Variants in CADPS observed in about 807,000 individuals in gnomAD.
CADPS encodes the protein calcium dependent secretion activator.
A neutral mutation model predicts 167.3 loss-of-function variants in CADPS; 57 were observed. The observed-to-expected ratio is 0.34, with a 90% CI of 0.28 to 0.42. The LOEUF (loss-of-function observed/expected upper bound fraction) is 0.42, where lower values mean the gene tolerates loss of function less well. Ranked by LOEUF, CADPS falls within the 20% of genes least tolerant of loss-of-function variation. The probability of loss-of-function intolerance (pLI) is 1.00; values close to 1 mark genes in which losing one functional copy is unlikely to be tolerated. For synonymous variants in CADPS, 676 were observed against 635.3 expected (o/e 1.06, Z -0.96); for missense variants, 1,414 against 1,738.1 (o/e 0.81, Z 3.32).
chr3:62,481,482 G>A (rs1240516295), intron 22 of CADPS, among the ~76,000 whole-genome samples: 1 of 152,148 alleles, frequency 6.6e-6, no homozygotes, highest in African/African-American at 2.4e-5. Context: ...TTCAGGAAGT[G>A]AAACATAGTC....
intron 12 of CADPS, 105 bp downstream of exon 12, chr3:62,536,340 G>T: frequency 1.0e-6 from 1 of 965,662 alleles, no homozygotes; most frequent in South Asian, 1.7e-5. Flanking sequence ...AATTGTTAAA[G>T]GGATTCTGTA....
intron 5 of CADPS, among the ~76,000 whole-genome samples, chr3:62,647,171 G>T (rs1480520018): frequency 6.6e-6 from 1 of 152,144 alleles, no homozygotes; most frequent in Non-Finnish European, 1.5e-5. Context: ...AAATCATTCA[G>T]TTGTACTCCA....
At chr3:62,474,394 G>A in intron 23 of CADPS, 74 bp from the exon 24 acceptor site, 1 of 1,428,018 alleles carries the variant, frequency 7.0e-7, no homozygotes, top group Non-Finnish European at 9.7e-7. Flanking sequence ...TTTCTGAGAG[G>A]TCAGTGAAAA....
chr3:62,801,151 C>T (rs1021557601), intron 1 of CADPS, among the ~76,000 whole-genome samples: 4 of 152,088 alleles, frequency 2.6e-5, no homozygotes, highest in Non-Finnish European at 5.9e-5. Context: ...AGAGGCTTAA[C>T]TAACAGATAG....
intron 17 of CADPS, among the ~76,000 whole-genome samples, chr3:62,505,075 G>T (rs2066426325): frequency 6.6e-6 from 1 of 152,172 alleles, no homozygotes; most frequent in Admixed American, 6.5e-5. Flanking sequence ...TGATCTGGGG[G>T]TGGGGGTAGA....
rs150802727 is a variant in CADPS at position 62,678,383 on chromosome 3, C to T, written c.889-15989G>A. Among the ~76,000 whole-genome samples, 9 of 152,174 alleles carry T rather than the reference C, an allele frequency of 5.9e-5. No individual in the cohort carries two copies. The East Asian group carries it at 1.6e-3, about 26-fold the overall frequency. On this transcript the variant is annotated intron_variant, in intron 3 of 29. Transcript: ENST00000383710. ...TTCCAGTAAGGCAAAATATATTGCC[C>T]TCCTTTCTCACTAAATTCCATTTTT...
intron 4 of CADPS, among the ~76,000 whole-genome samples, chr3:62,656,856 A>C (rs565450735): frequency 6.6e-6 from 1 of 152,294 alleles, no homozygotes; most frequent in East Asian, 1.9e-4. Flanking sequence ...TATGAACTAG[A>C]TGGACTTCCT....
At chr3:62,839,042 T>C (rs1352841806) in intron 1 of CADPS, among the ~76,000 whole-genome samples, 1 of 152,224 alleles carries the variant, frequency 6.6e-6, no homozygotes, top group Non-Finnish European at 1.5e-5. Context: ...ATAATTATAA[T>C]TAACTGGTAA....
At chr3:62,403,037 T>C (rs761523371) in intron 29 of CADPS, 44 bp downstream of exon 29, 57 of 1,249,158 alleles carry the variant, frequency 4.6e-5, no homozygotes, top group Non-Finnish European at 6.5e-5. Context: ...GAAATATATT[T>C]CAGTAAGCTA....
chr3:62,457,643 T>C (rs2058846862), intron 26 of CADPS, among the ~76,000 whole-genome samples: 1 of 152,290 alleles, frequency 6.6e-6, no homozygotes, highest in South Asian at 2.1e-4. Flanking sequence ...GGAGAAATGA[T>C]TGGTATGCTA....
rs116246311 is a variant in CADPS, at chr3:62,818,360, C to T, written c.442-52376G>A. 7.6e-3 allele frequency among the ~76,000 whole-genome samples: 1,158 copies of T among 152,188 alleles called. 17 individuals are homozygous for T. Among genetic ancestry groups the T allele is most frequent in the African/African-American group, 0.026 (1,070 of 41,524 alleles). On this transcript the variant is annotated intron_variant, in intron 1 of 29. Coordinates refer to ENST00000383710, the MANE Select transcript of CADPS (RefSeq NM_003716.4). ...ACTCAATAGCAAAAAGTCCAATCAC[C>T]GAATTTGTAAAATAGACAAAAGACT... is the stretch of plus-strand genomic sequence containing the variant.
Position 62,542,585 on chromosome 3 carries a change from G to T in CADPS, c.1967-6004C>A, listed in dbSNP as rs542472346. Reference sequence around the variant, plus strand: ...GTCCTCACATGCCTGCTGCCCAGAGGCACAAATGGACCACTTAATTGAGAA... The same window carrying T: ...GTCCTCACATGCCTGCTGCCCAGAGTCACAAATGGACCACTTAATTGAGAA... On this transcript the variant is annotated intron_variant, in intron 11 of 29. Transcript: ENST00000383710. Among the ~76,000 whole-genome samples, 6 of 152,176 alleles carry T rather than the reference G, an allele frequency of 3.9e-5. No individual in the cohort carries two copies. The South Asian group carries it at 1.0e-3, about 26-fold the overall frequency.
chr3:62,614,374 C>T (rs1252979015), intron 6 of CADPS, among the ~76,000 whole-genome samples: 2 of 152,204 alleles, frequency 1.3e-5, no homozygotes, highest in Non-Finnish European at 1.5e-5. Flanking sequence ...GATGAATCCA[C>T]TGCAGGATCA....
chr3:62,857,263 G>A (rs1033162489), intron 1 of CADPS, among the ~76,000 whole-genome samples: 1 of 152,064 alleles, frequency 6.6e-6, no homozygotes, highest in African/African-American at 2.4e-5. Context: ...TGGCAAAGCA[G>A]AAAATAATGT....
chr3:62,473,961 A>C (rs1384313302), intron 24 of CADPS: 8 of 442,754 alleles, frequency 1.8e-5, no homozygotes, highest in Non-Finnish European at 1.2e-5. Context: ...GCCAAGAATC[A>C]CTTCCAAGTG....
intron 1 of CADPS, among the ~76,000 whole-genome samples, chr3:62,868,533 T>G (rs542871331): frequency 1.2e-3 from 176 of 152,178 alleles, no homozygotes; most frequent in South Asian, 2.7e-3. Flanking sequence ...ATTTTGATAG[T>G]TTTAAATGTT....
At chr3:62,637,503 G>A (rs748511652) in intron 6 of CADPS, among the ~76,000 whole-genome samples, 7 of 152,198 alleles carry the variant, frequency 4.6e-5, no homozygotes, top group Non-Finnish European at 7.3e-5. Context: ...ATGTATGTGG[G>A]TCGAATTATG....
At chr3:62,460,322 G>A (rs1052036677) in intron 26 of CADPS, among the ~76,000 whole-genome samples, 1 of 152,174 alleles carries the variant, frequency 6.6e-6, no homozygotes, top group African/African-American at 2.4e-5. Flanking sequence ...CCTCCACTCT[G>A]AAATATAGAA....
At chr3:62,632,306 T>C (rs1286688062) in intron 6 of CADPS, among the ~76,000 whole-genome samples, 3 of 152,138 alleles carry the variant, frequency 2.0e-5, no homozygotes, top group African/African-American at 7.2e-5. Context: ...CCCTCAATTT[T>C]CTACAACAAG....
Sources: allele counts gnomAD v4.1 joint callset (sites outside exome capture counted in the v4.1 genomes callset), GRCh38; gene constraint gnomAD v4.1.1; transcripts MANE v1.5; gene names NCBI Gene and HGNC (gene_info 2026-07-23, HGNC 2026-07-21).